Variants in MGAM observed in about 807,000 individuals in gnomAD.
MGAM encodes maltase-glucoamylase, also known as alpha-1,4-glucosidase.
A neutral mutation model predicts 358.8 loss-of-function variants in MGAM; 253 were observed. The observed-to-expected ratio is 0.71, with a 90% CI of 0.64 to 0.78. The LOEUF (loss-of-function observed/expected upper bound fraction) is 0.78, where lower values mean the gene tolerates loss of function less well. Among genes scored for constraint, MGAM ranks in the 30% least tolerant of loss-of-function variants. MGAM has a pLI of 0.00. For missense variants in MGAM, 3,080 were observed against 3,432.6 expected (o/e 0.90, Z 2.57); for synonymous variants, 1,105 against 1,227.1 (o/e 0.90, Z 2.08).
rs1052668217 is a variant in MGAM, at chr7:142,091,716, G to A, written c.6811-197G>A. 4.8e-5 allele frequency among the ~76,000 whole-genome samples: 7 copies of A among 146,062 alleles called. 1 individual carries two copies. Among genetic ancestry groups the A allele is most frequent in the Non-Finnish European group, 1.1e-4 (7 of 64,576 alleles). On this transcript the variant is annotated intron_variant, in intron 57 of 70. Transcript: ENST00000475668. ...AGTTTTTGGATGTTTTCCAAATGCC[G>A]GGAAGGTGTGCAAATTGCACTAATT...
intron 1 of MGAM, among the ~76,000 whole-genome samples, chr7:142,000,135 A>G (rs1804615993): frequency 6.6e-6 from 1 of 152,194 alleles, no homozygotes; most frequent in Admixed American, 6.5e-5. Flanking sequence ...TGTAGTTTAA[A>G]ACAACAAACA....
At position 142,082,323 on chromosome 7, in the gene MGAM, G is replaced by A. The variant is rs61538279; in HGVS notation, c.6171+113G>A. The A allele has an allele frequency of 1.8e-3, 2,406 of 1,356,050 alleles. 136 individuals carry two copies. In the African/African-American group the frequency reaches 0.027, roughly 15 times the overall value. The allele number at this position is 1,356,050 out of a possible 1,614,324, so 84.0% of individuals were successfully genotyped here. ...TGGTCGTCACATTCTGCTTTTAGGC[G>A]AGTGGGCCAATTCTCAGGCTCCTTT... On this transcript the variant is annotated intron_variant, in intron 51 of 70. Transcript: ENST00000475668.
chr7:141,991,851 C>G (rs1803961739), upstream of MGAM, among the ~76,000 whole-genome samples: 3 of 152,302 alleles, frequency 2.0e-5, no homozygotes, highest in South Asian at 4.1e-4. Context: ...TGTCACCAGA[C>G]AGCAAGCCAC....
At position 142,094,947 on chromosome 7, in the gene MGAM, CT is replaced by C; in HGVS notation, c.7458+85del. Reference sequence around the variant, plus strand: ...CTAAAGTTAATGCAGTCTGTATTTCCTGTGATATCTTTAAAATTTTTTTTTT... The same window carrying C: ...CTAAAGTTAATGCAGTCTGTATTTCCGTGATATCTTTAAAATTTTTTTTTT... On this transcript the variant is annotated intron_variant, in intron 63 of 70. Transcript: ENST00000475668. 2.2e-6 allele frequency: 3 copies of C among 1,382,654 alleles called. No homozygotes were observed. In the South Asian group the frequency reaches 4.0e-5, roughly 18 times the overall value. The allele number at this position is 1,382,654 out of a possible 1,614,324, so 85.6% of individuals were successfully genotyped here. A position where few individuals can be genotyped will look rare whatever the true frequency, so the allele number is the denominator to read the frequency against.
chr7:142,056,981 G>A, intron 30 of MGAM, 39 bp downstream of exon 30: 4 of 1,589,042 alleles, frequency 2.5e-6, no homozygotes, highest in Non-Finnish European at 3.4e-6. Context: ...TACTTACACA[G>A]CACATTCTGG....
chr7:142,001,026 A>G (rs1336762221), intron 1 of MGAM, among the ~76,000 whole-genome samples: 1 of 152,220 alleles, frequency 6.6e-6, no homozygotes, highest in Non-Finnish European at 1.5e-5. Context: ...TCTTCTTATC[A>G]GTGAACATAA....
In MGAM at chr7:142,059,553, C is replaced by T. The variant is rs1283851214; in HGVS notation, c.3901C>T (p.Leu1301=). Residue 1301 remains leucine (L), a synonymous_variant, in exon 32 of 71, where the codon CTG becomes TTG. Coordinates refer to ENST00000475668, the MANE Select transcript of MGAM (RefSeq NM_001365693.1). ...CCCCAAGTTTGCTGGGTTTCCAGCT[C>T]TGATCAATCGCATGAAGGCTGATGG... The part of the protein sequence containing the change: ...LSPKFAGFPA[L]INRMKADGMR... 1.2e-6 allele frequency: 2 copies of T among 1,613,088 alleles called. No homozygotes were observed. Among genetic ancestry groups the T allele is most frequent in the Non-Finnish European group, 1.7e-6 (2 of 1,179,156 alleles).
chr7:142,096,929 C>CT lies in MGAM; in HGVS notation c.7692+531dup, dbSNP rs5888029. On this transcript the variant is annotated intron_variant, in intron 65 of 70. Coordinates refer to ENST00000475668, the MANE Select transcript of MGAM (RefSeq NM_001365693.1). ...CCAGTTAATTGCACCTTCCCAAAATCTTTTTTTTTTTTTTTTTGAGACAGA... is the reference window on the plus strand; with the variant it reads ...CCAGTTAATTGCACCTTCCCAAAATCTTTTTTTTTTTTTTTTTTGAGACAGA... Among the ~76,000 whole-genome samples, 60 of 134,304 alleles carry CT rather than the reference C, an allele frequency of 4.5e-4. 1 individual carries two copies. The highest frequency in any genetic ancestry group is 1.7e-3 in the African/African-American group (59 of 35,348). 88.1% of individuals were successfully genotyped at this position (134,304 alleles called of 152,430 possible).
intron 53 of MGAM, 64 bp downstream of exon 53, chr7:142,083,477 A>G: frequency 8.9e-7 from 1 of 1,128,844 alleles, no homozygotes; most frequent in South Asian, 1.5e-5. Flanking sequence ...CAGAGCCCAC[A>G]TTCATTAGTA....
At chr7:142,076,400 T>C (rs773545754) in intron 46 of MGAM, 148 bp downstream of exon 46, 1 of 978,896 alleles carries the variant, frequency 1.0e-6, no homozygotes, top group Non-Finnish European at 1.6e-6. Flanking sequence ...ATTTCATCGA[T>C]GTTTTCAAAA....
chr7:142,058,402 T>C (rs529077197), intron 31 of MGAM, 74 bp downstream of exon 31: 149 of 1,596,370 alleles, frequency 9.3e-5, no homozygotes, highest in Admixed American at 3.8e-4. Flanking sequence ...ATTTGTCTAA[T>C]GTTTGTTGGA....
intron 44 of MGAM, among the ~76,000 whole-genome samples, chr7:142,072,641 G>A (rs1218712239): frequency 6.8e-6 from 1 of 146,140 alleles, no homozygotes; most frequent in Non-Finnish European, 1.6e-5. Context: ...ATTACCTTGT[G>A]TGCTTGGTGA....
chr7:142,003,117 C>A (rs536987877), intron 1 of MGAM, among the ~76,000 whole-genome samples: 174 of 152,154 alleles, frequency 1.1e-3, no homozygotes, highest in African/African-American at 2.3e-3. Context: ...TTGGAGGAAT[C>A]AGTATCATCA....
At chr7:142,052,752 T>A in intron 25 of MGAM, 32 bp from the exon 26 acceptor site, 7 of 1,610,636 alleles carry the variant, frequency 4.3e-6, no homozygotes, top group Non-Finnish European at 5.9e-6. Flanking sequence ...CCACATGCTG[T>A]GCTGATCTAT....
rs1815353379 is a variant in MGAM at position 142,091,197 on chromosome 7, A to G, written c.6811-716A>G. 2.1e-5 allele frequency among the ~76,000 whole-genome samples: 3 copies of G among 141,764 alleles called. 1 individual carries two copies. Among genetic ancestry groups the G allele is most frequent in the Non-Finnish European group, 3.2e-5 (2 of 63,078 alleles). The allele number at this position is 141,764 out of a possible 152,430, so 93.0% of individuals were successfully genotyped here. A position where few individuals can be genotyped will look rare whatever the true frequency, so the allele number is the denominator to read the frequency against. ...GGAAGGCAGAGGTTTCAGTGAGCCGAGGTAGCACCACTGCACTCTAGCCTG... is the reference window on the plus strand; with the variant it reads ...GGAAGGCAGAGGTTTCAGTGAGCCGGGGTAGCACCACTGCACTCTAGCCTG... On this transcript the variant is annotated intron_variant, in intron 57 of 70. Transcript: ENST00000475668.
intron 53 of MGAM, 54 bp downstream of exon 53, chr7:142,083,467 C>T: frequency 8.1e-7 from 1 of 1,240,674 alleles, no homozygotes; most frequent in Non-Finnish European, 1.1e-6. Flanking sequence ...TTCTGGGTGC[C>T]AGAGCCCACA....
rs1554465812 is a variant in MGAM at position 142,036,284 on chromosome 7, A to G, written c.2075A>G (p.Lys692Arg). The change falls in exon 17 of 71, where the codon AAG (lysine) becomes AGG (arginine). Residue 692 changes from lysine (K) to arginine (R), a missense_variant and splice_region_variant. Physicochemically the swap from Lys to Arg is conservative, Grantham distance 26. Around this residue, in one of 5 missense-constraint regions of MGAM, gnomAD observed 1,816 missense variants for 1,840.5 expected, o/e 0.99. Transcript: ENST00000475668. Reference sequence around the variant, plus strand: ...AGAAATCACAATGGCCAAGGCTACAAGGTAAGGCTCCTAGGACATAGAGTC... The same window carrying G: ...AGAAATCACAATGGCCAAGGCTACAGGGTAAGGCTCCTAGGACATAGAGTC... ...FSRNHNGQGY[K>R]DQDPASFGAD... The G allele has an allele frequency of 4.4e-6, 7 of 1,596,864 alleles. No homozygotes were observed. The highest frequency in any genetic ancestry group is 4.5e-5 in the East Asian group (2 of 44,446).
intron 32 of MGAM, 75 bp from the exon 33 acceptor site, chr7:142,059,781 A>C: frequency 1.3e-6 from 2 of 1,574,270 alleles, no homozygotes; most frequent in Non-Finnish European, 1.7e-6. Flanking sequence ...TTCACCCTTG[A>C]GGAGTTCTCC....
intron 68 of MGAM, among the ~76,000 whole-genome samples, chr7:142,102,406 CA>C (rs1816516783): frequency 6.6e-6 from 1 of 152,186 alleles, no homozygotes; most frequent in African/African-American, 2.4e-5. Flanking sequence ...ACATTCATTT[CA>C]AGCATTTTGT....
Sources: allele counts gnomAD v4.1 joint callset (sites outside exome capture counted in the v4.1 genomes callset), GRCh38; gene constraint gnomAD v4.1.1; regional missense constraint gnomAD v4.1.1; transcripts MANE v1.5; gene names NCBI Gene and HGNC (gene_info 2026-07-23, HGNC 2026-07-21).